The following RBFOX1 variants were observed in gnomAD, a reference collection of about 807,000 sequenced individuals.
RBFOX1 encodes RNA binding fox-1 homolog 1.
In RBFOX1, 8 loss-of-function variants were observed where a neutral mutation model predicts 57.7. The ratio of observed to expected loss-of-function variants is 0.14; its 90% CI spans 0.08 to 0.25. The LOEUF (loss-of-function observed/expected upper bound fraction) is 0.25, where lower values mean the gene tolerates loss of function less well. Ranked by LOEUF, RBFOX1 falls within the 10% of genes least tolerant of loss-of-function variation. RBFOX1 has a pLI of 1.00. For missense variants in RBFOX1, 611 were observed against 548.5 expected, an observed-to-expected ratio of 1.11 and a Z score of -1.14; for synonymous variants, 326 against 222.4, an observed-to-expected ratio of 1.47 and a Z score of -4.15.
At chr16:6,506,025 G>C (rs948947637) in intron 2 of RBFOX1, among the ~76,000 whole-genome samples, 1 of 152,190 alleles carries the variant, frequency 6.6e-6, no homozygotes, top group Admixed American at 6.5e-5. Context: ...ACTGGGATAG[G>C]TGACCTAAAG....
intron 2 of RBFOX1, among the ~76,000 whole-genome samples, chr16:6,524,396 A>T (rs1454510021): frequency 6.6e-6 from 1 of 152,156 alleles, no homozygotes; most frequent in Non-Finnish European, 1.5e-5. Context: ...TCATCTGTTG[A>T]TGGGCACTTA....
Position 6,463,885 on chromosome 16 carries a change from AG to A in RBFOX1, c.-64+146830del, listed in dbSNP as rs1357048721. On this transcript the variant is annotated intron_variant, in intron 2 of 15. Coordinates refer to ENST00000550418, the MANE Select transcript of RBFOX1 (RefSeq NM_018723.4). ...CTAGCTCTCGCGCCCACCATGACCT[AG>A]GAGGTGTAATCAATCCTGCAGGAAC... Among the ~76,000 whole-genome samples, 3 of 152,138 alleles carry A rather than the reference AG, an allele frequency of 2.0e-5. No homozygotes were observed. In the East Asian group the frequency reaches 5.8e-4, roughly 30 times the overall value.
intron 1 of RBFOX1, among the ~76,000 whole-genome samples, chr16:5,439,579 A>G (rs985354665): frequency 6.6e-6 from 1 of 152,024 alleles, no homozygotes; most frequent in Non-Finnish European, 1.5e-5. Flanking sequence ...AGGAATGAGA[A>G]GGCAGAGAAA....
At chr16:7,071,254 A>G (rs912920914) in intron 4 of RBFOX1, among the ~76,000 whole-genome samples, 16 of 152,162 alleles carry the variant, frequency 1.1e-4, no homozygotes, top group African/African-American at 3.9e-4. Context: ...CACTAGGAGA[A>G]TAGTAATGTC....
chr16:6,239,972 C>G (rs995283296), intron 1 of RBFOX1, among the ~76,000 whole-genome samples: 81 of 152,192 alleles, frequency 5.3e-4, no homozygotes, highest in African/African-American at 1.9e-3. Flanking sequence ...GAGTGGATCT[C>G]TCAAGGTGGG....
chr16:6,117,745 G>T (rs936910997), intron 1 of RBFOX1, among the ~76,000 whole-genome samples: 2 of 152,214 alleles, frequency 1.3e-5, no homozygotes, highest in Non-Finnish European at 2.9e-5. Flanking sequence ...CAGTTATTTT[G>T]TTATAGCTGC....
At chr16:6,666,706 CCT>C (rs1395972634) in intron 3 of RBFOX1, among the ~76,000 whole-genome samples, 11 of 152,136 alleles carry the variant, frequency 7.2e-5, no homozygotes, top group Non-Finnish European at 1.6e-4. Context: ...CTTCTGTGCT[CCT>C]CATGCTCAGG....
intron 2 of RBFOX1, among the ~76,000 whole-genome samples, chr16:6,448,160 T>TC (rs2094524261): frequency 7.8e-6 from 1 of 127,878 alleles, no homozygotes; most frequent in African/African-American, 3.2e-5. Flanking sequence ...TTCTTTCTTT[T>TC]TTTTTTTTTT....
intron 2 of RBFOX1, among the ~76,000 whole-genome samples, chr16:6,599,685 C>G (rs554464245): frequency 1.3e-5 from 2 of 152,274 alleles, no homozygotes; most frequent in African/African-American, 4.8e-5. Context: ...TTCAGAACTG[C>G]TGCTGTGGAG....
intron 3 of RBFOX1, among the ~76,000 whole-genome samples, chr16:6,928,500 C>T (rs73543231): frequency 6.6e-6 from 1 of 152,138 alleles, no homozygotes; most frequent in Non-Finnish European, 1.5e-5. Context: ...TGCTTTCATG[C>T]GTTAATTATG....
At chr16:6,876,339 A>G (rs906077773) in intron 3 of RBFOX1, among the ~76,000 whole-genome samples, 5 of 152,178 alleles carry the variant, frequency 3.3e-5, no homozygotes, top group Admixed American at 6.5e-5. Context: ...CTTGTTGACT[A>G]TTCCACCATC....
rs192334146 is a variant in RBFOX1 at position 6,433,703 on chromosome 16, G to C, written c.-64+116646G>C. The stretch of plus-strand genomic sequence containing the variant: ...TTCCGGAGGCTCCAGGGAAGAATCT[G>C]TTTTCTTGCTTTTTCCTGTTTCTGG... On this transcript the variant is annotated intron_variant, in intron 2 of 15. Transcript: ENST00000550418. Among the ~76,000 whole-genome samples, 25 of 152,190 alleles carry C rather than the reference G, an allele frequency of 1.6e-4. No homozygotes were observed. In the East Asian group the frequency reaches 4.6e-3, roughly 28 times the overall value.
At chr16:7,011,387 G>T (rs2093645432) in intron 3 of RBFOX1, among the ~76,000 whole-genome samples, 1 of 152,210 alleles carries the variant, frequency 6.6e-6, no homozygotes, top group Non-Finnish European at 1.5e-5. Flanking sequence ...GGCAGATGGG[G>T]ATTGAAACCA....
At chr16:6,512,534 T>C (rs1415522668) in intron 2 of RBFOX1, among the ~76,000 whole-genome samples, 1 of 152,144 alleles carries the variant, frequency 6.6e-6, no homozygotes, top group Non-Finnish European at 1.5e-5. Context: ...GGACCAAGAC[T>C]GGGTGTTGCT....
intron 3 of RBFOX1, among the ~76,000 whole-genome samples, chr16:5,735,643 T>C (rs1202113326): frequency 6.6e-6 from 1 of 152,156 alleles, no homozygotes; most frequent in Non-Finnish European, 1.5e-5. Context: ...ACGCCTATAA[T>C]CTCAGCGCTT....
At chr16:6,330,774 C>T (rs993219336) in intron 2 of RBFOX1, among the ~76,000 whole-genome samples, 1 of 152,186 alleles carries the variant, frequency 6.6e-6, no homozygotes, top group Non-Finnish European at 1.5e-5. Flanking sequence ...GCAATGTAAA[C>T]ACACCAGCGT....
intron 2 of RBFOX1, among the ~76,000 whole-genome samples, chr16:5,536,934 T>G (rs1275368775): frequency 6.6e-6 from 1 of 152,190 alleles, no homozygotes; most frequent in Non-Finnish European, 1.5e-5. Flanking sequence ...TTTACATTGC[T>G]TACATATTTT....
intron 3 of RBFOX1, among the ~76,000 whole-genome samples, chr16:6,708,175 CTT>C (rs1305516560): frequency 6.6e-6 from 1 of 152,100 alleles, no homozygotes; most frequent in Non-Finnish European, 1.5e-5. Flanking sequence ...GACTTTTCCC[CTT>C]GTTTCTTATT....
intron 4 of RBFOX1, among the ~76,000 whole-genome samples, chr16:7,486,522 A>G (rs917373534): frequency 1.3e-5 from 2 of 152,236 alleles, no homozygotes; most frequent in South Asian, 4.1e-4. Context: ...TTTTATGTCT[A>G]CATCCATAAC....
Sources: gnomAD v4.1 joint callset for allele counts (sites outside exome capture counted in the v4.1 genomes callset) on GRCh38, gnomAD v4.1.1 for gene constraint, MANE v1.5 for transcripts, NCBI Gene and HGNC (gene_info 2026-07-23, HGNC 2026-07-21) for gene names.